The following PRKG1 variants were observed in gnomAD, a reference collection of about 807,000 sequenced individuals.
PRKG1 encodes protein kinase cGMP-dependent 1.
PRKG1 carries 35 observed loss-of-function variants against 88.1 expected under a neutral mutation model. That is an observed-to-expected ratio of 0.40 (90% CI 0.30 to 0.53). The LOEUF (loss-of-function observed/expected upper bound fraction) is 0.53, where lower values mean the gene tolerates loss of function less well. PRKG1 is among the 20% of genes least tolerant of loss of function. The pLI is 0.59. For missense variants in PRKG1, 540 were observed against 839.8 expected (o/e 0.64, Z 4.41); for synonymous variants, 303 against 292.5 (o/e 1.04, Z -0.37).
intron 3 of PRKG1, among the ~76,000 whole-genome samples, chr10:51,511,209 A>G (rs1039153040): frequency 3.9e-5 from 6 of 152,208 alleles, no homozygotes; most frequent in African/African-American, 1.4e-4. Flanking sequence ...CTTGGATAAA[A>G]TAAGGCTTGT....
At chr10:52,188,428 A>T (rs936722577) in intron 9 of PRKG1, among the ~76,000 whole-genome samples, 1 of 150,576 alleles carries the variant, frequency 6.6e-6, no homozygotes, top group Non-Finnish European at 1.5e-5. Flanking sequence ...AGCTCATTGG[A>T]GCCTCAACTA....
At chr10:51,033,148 A>T (rs1025532825) in intron 1 of PRKG1, among the ~76,000 whole-genome samples, 2 of 152,038 alleles carry the variant, frequency 1.3e-5, no homozygotes, top group African/African-American at 2.4e-5. Context: ...TACAGTTCTG[A>T]TTATTAAGCC....
At chr10:52,115,604 C>T (rs149563669) in intron 7 of PRKG1, among the ~76,000 whole-genome samples, 235 of 152,272 alleles carry the variant, frequency 1.5e-3, no homozygotes, top group African/African-American at 5.4e-3. Context: ...ACCCATTCCC[C>T]TTCCTCACTC....
At chr10:51,812,160 T>C (rs904090702) in intron 4 of PRKG1, among the ~76,000 whole-genome samples, 4 of 152,194 alleles carry the variant, frequency 2.6e-5, no homozygotes, top group Admixed American at 2.6e-4. Flanking sequence ...AACACATTTT[T>C]GCCAATGAGA....
intron 2 of PRKG1, among the ~76,000 whole-genome samples, chr10:51,199,066 G>A (rs1046234263): frequency 2.6e-5 from 4 of 152,118 alleles, no homozygotes; most frequent in African/African-American, 2.4e-5. Context: ...TTAAAGCATT[G>A]TTTTCTTCTC....
At chr10:52,153,336 T>A (rs1162981254) in intron 8 of PRKG1, among the ~76,000 whole-genome samples, 1 of 152,014 alleles carries the variant, frequency 6.6e-6, no homozygotes, top group Admixed American at 6.6e-5. Context: ...AGGAAAAAAA[T>A]TGCCCCAATT....
At chr10:51,925,533 C>G (rs182674102) in intron 5 of PRKG1, among the ~76,000 whole-genome samples, 1 of 152,280 alleles carries the variant, frequency 6.6e-6, no homozygotes, top group East Asian at 1.9e-4. Context: ...TATTTGCCTT[C>G]TTCCAGGTTG....
At chr10:51,519,918 C>G (rs924445316) in intron 3 of PRKG1, among the ~76,000 whole-genome samples, 2 of 152,084 alleles carry the variant, frequency 1.3e-5, no homozygotes, top group Admixed American at 1.3e-4. Flanking sequence ...GGAAATTTAC[C>G]AGTTACTGTA....
chr10:51,434,656 A>G (rs1462184411), intron 2 of PRKG1, among the ~76,000 whole-genome samples: 3 of 152,138 alleles, frequency 2.0e-5, no homozygotes, highest in South Asian at 2.1e-4. Context: ...ACGTAAGATC[A>G]GTGCATACGG....
At chr10:51,205,747 T>C (rs1298924754) in intron 2 of PRKG1, among the ~76,000 whole-genome samples, 1 of 152,000 alleles carries the variant, frequency 6.6e-6, no homozygotes, top group Non-Finnish European at 1.5e-5. Flanking sequence ...TTGGCCAGGC[T>C]GGTCTCAAGC....
intron 2 of PRKG1, among the ~76,000 whole-genome samples, chr10:51,442,389 A>G (rs547143897): frequency 1.2e-4 from 18 of 152,110 alleles, no homozygotes; most frequent in African/African-American, 4.3e-4. Context: ...TTCTGTTTCA[A>G]AATTAGTACT....
At chr10:52,163,071 G>A (rs918382945) in intron 9 of PRKG1, among the ~76,000 whole-genome samples, 1 of 151,972 alleles carries the variant, frequency 6.6e-6, no homozygotes, top group Non-Finnish European at 1.5e-5. Context: ...TAATCCCACC[G>A]AGGTGGGAAA....
At chr10:52,289,654 C>A (rs2132461401) in intron 16 of PRKG1, among the ~76,000 whole-genome samples, 1 of 151,298 alleles carries the variant, frequency 6.6e-6, no homozygotes, top group East Asian at 1.9e-4. Flanking sequence ...CAAAAGAAAA[C>A]AAACAAGCAA....
At chr10:51,145,518 G>A (rs1414363693) in intron 1 of PRKG1, among the ~76,000 whole-genome samples, 2 of 152,094 alleles carry the variant, frequency 1.3e-5, no homozygotes, top group East Asian at 1.9e-4. Flanking sequence ...GAAACTTCAC[G>A]GTTTTAATTC....
chr10:51,142,455 G>C (rs1845841064), intron 1 of PRKG1, among the ~76,000 whole-genome samples: 1 of 151,612 alleles, frequency 6.6e-6, no homozygotes, highest in Non-Finnish European at 1.5e-5. Flanking sequence ...ATGAGAAAGA[G>C]ACAGAAAAAG....
At chr10:51,381,816 A>G (rs1173286540) in intron 2 of PRKG1, among the ~76,000 whole-genome samples, 1 of 152,228 alleles carries the variant, frequency 6.6e-6, no homozygotes, top group East Asian at 1.9e-4. Flanking sequence ...CTAATGTTTT[A>G]GCTTGATTGT....
chr10:51,143,569 T>G (rs956867255), intron 1 of PRKG1, among the ~76,000 whole-genome samples: 3 of 152,098 alleles, frequency 2.0e-5, no homozygotes, highest in Non-Finnish European at 4.4e-5. Context: ...GTAATGGCTA[T>G]AGTAATTTAT....
intron 3 of PRKG1, among the ~76,000 whole-genome samples, chr10:51,581,493 G>C (rs1464304484): frequency 6.6e-6 from 1 of 152,056 alleles, no homozygotes; most frequent in African/African-American, 2.4e-5. Context: ...TCATGCGTCT[G>C]TTTATAGGCT....
chr10:51,609,548 T>C (rs542738648), intron 3 of PRKG1, among the ~76,000 whole-genome samples: 1 of 152,294 alleles, frequency 6.6e-6, no homozygotes, highest in East Asian at 1.9e-4. Context: ...CATATGTTCA[T>C]TGCAGCACTA....
Sources: gnomAD v4.1 joint callset for allele counts (sites outside exome capture counted in the v4.1 genomes callset) on GRCh38, gnomAD v4.1.1 for gene constraint, MANE v1.5 for transcripts, NCBI Gene and HGNC (gene_info 2026-07-23, HGNC 2026-07-21) for gene names.